The following NEK1 variants were observed in gnomAD, a reference collection of about 807,000 sequenced individuals.
The protein encoded by NEK1 is serine/threonine-protein kinase Nek1.
A neutral mutation model predicts 182.1 loss-of-function variants in NEK1; 137 were observed. The observed-to-expected ratio is 0.75, with a 90% CI of 0.65 to 0.87. The LOEUF is 0.87. Among genes scored for constraint, NEK1 ranks in the 40% least tolerant of loss-of-function variants. The pLI is 0.00. For synonymous variants in NEK1, 513 were observed against 492.2 expected (o/e 1.04, Z -0.56); for missense variants, 1,391 against 1,494.4 (o/e 0.93, Z 1.14).
chr4:169,542,471 T>C (rs988533142), intron 18 of NEK1, among the ~76,000 whole-genome samples: 1 of 152,216 alleles, frequency 6.6e-6, no homozygotes, highest in African/African-American at 2.4e-5. Context: ...TACATATGCA[T>C]GTGTCTTTAT....
chr4:169,433,483 T>C, intron 29 of NEK1, 62 bp downstream of exon 29: 1 of 1,494,650 alleles, frequency 6.7e-7, no homozygotes, highest in Non-Finnish European at 9.1e-7. Context: ...ATTATAGTAT[T>C]TTCTTAAAAG....
intron 31 of NEK1, among the ~76,000 whole-genome samples, chr4:169,410,914 A>T (rs1449963207): frequency 6.6e-6 from 1 of 152,214 alleles, no homozygotes; most frequent in Admixed American, 6.5e-5. Context: ...GAGCTGACTG[A>T]AGGCAAATTT....
chr4:169,435,295 G>A (rs970754960), intron 28 of NEK1, among the ~76,000 whole-genome samples: 2 of 152,054 alleles, frequency 1.3e-5, no homozygotes, highest in Non-Finnish European at 2.9e-5. Flanking sequence ...CCATTAATGA[G>A]GGCGCCACTC....
intron 18 of NEK1, among the ~76,000 whole-genome samples, chr4:169,538,268 T>C (rs974669904): frequency 6.6e-6 from 1 of 152,068 alleles, no homozygotes; most frequent in Non-Finnish European, 1.5e-5. Flanking sequence ...GTATCAAATA[T>C]AATAAGAATC....
At chr4:169,477,522 G>A (rs1243361403) in intron 24 of NEK1, 25 bp from the exon 25 acceptor site, 4 of 1,526,598 alleles carry the variant, frequency 2.6e-6, no homozygotes, top group Non-Finnish European at 3.6e-6. Flanking sequence ...AGATACAGAG[G>A]AAGAGATAAT....
chr4:169,461,191 G>A (rs1367413666), intron 27 of NEK1, among the ~76,000 whole-genome samples: 21 of 152,116 alleles, frequency 1.4e-4, no homozygotes, highest in Non-Finnish European at 4.4e-5. Flanking sequence ...ACCACATGAA[G>A]CTACCTCCAC....
intron 26 of NEK1, among the ~76,000 whole-genome samples, chr4:169,473,463 C>G (rs979166632): frequency 1.3e-5 from 2 of 151,990 alleles, no homozygotes; most frequent in East Asian, 3.9e-4. Flanking sequence ...ACACTAGAAA[C>G]CCAATCCTCA....
At chr4:169,449,432 G>GC (rs1741277180) in intron 27 of NEK1, among the ~76,000 whole-genome samples, 1 of 152,184 alleles carries the variant, frequency 6.6e-6, no homozygotes, top group Admixed American at 6.5e-5. Flanking sequence ...CATATAGGTG[G>GC]CTGCCACTCT....
intron 27 of NEK1, among the ~76,000 whole-genome samples, chr4:169,461,977 T>C (rs1744054216): frequency 6.6e-6 from 1 of 152,110 alleles, no homozygotes; most frequent in Non-Finnish European, 1.5e-5. Flanking sequence ...TGCAAATGGA[T>C]TATGATGAAT....
chr4:169,528,423 G>A (rs937144289), intron 19 of NEK1, among the ~76,000 whole-genome samples: 7 of 152,060 alleles, frequency 4.6e-5, no homozygotes, highest in East Asian at 3.9e-4. Context: ...ATTAAGCCAC[G>A]AGGAAATAAA....
chr4:169,560,197 A>C (rs1317574488), intron 16 of NEK1, among the ~76,000 whole-genome samples: 1 of 152,194 alleles, frequency 6.6e-6, no homozygotes, highest in African/African-American at 2.4e-5. Context: ...GGATCTCACC[A>C]GGCAGAAATC....
At chr4:169,594,373 T>C (rs1769082535) in intron 5 of NEK1, among the ~76,000 whole-genome samples, 1 of 152,166 alleles carries the variant, frequency 6.6e-6, no homozygotes, top group African/African-American at 2.4e-5. Context: ...TTGCCAAACA[T>C]TATACTAATG....
At chr4:169,447,030 G>A (rs1280832058) in intron 27 of NEK1, among the ~76,000 whole-genome samples, 2 of 152,078 alleles carry the variant, frequency 1.3e-5, no homozygotes, top group Non-Finnish European at 2.9e-5. Flanking sequence ...TTATTCAAAG[G>A]GATAATGTCA....
chr4:169,570,888 A>T (rs147056200), intron 12 of NEK1, among the ~76,000 whole-genome samples: 2 of 152,090 alleles, frequency 1.3e-5, no homozygotes, highest in Non-Finnish European at 2.9e-5. Flanking sequence ...CCCCCAACCC[A>T]GTGCTCTCTG....
At chr4:169,434,946 C>A (rs1215588571) in intron 28 of NEK1, among the ~76,000 whole-genome samples, 1 of 152,168 alleles carries the variant, frequency 6.6e-6, no homozygotes, top group Non-Finnish European at 1.5e-5. Context: ...GCATTACCTG[C>A]AAAGCCTAGA....
chr4:169,434,130 C>CA (rs1218155372), intron 28 of NEK1, among the ~76,000 whole-genome samples: 1 of 151,242 alleles, frequency 6.6e-6, no homozygotes, highest in East Asian at 1.9e-4. Flanking sequence ...AAACTATTAC[C>CA]AGGACTTTCA....
chr4:169,495,958 A>G (rs2149636502), intron 23 of NEK1, among the ~76,000 whole-genome samples: 1 of 152,166 alleles, frequency 6.6e-6, no homozygotes, highest in East Asian at 1.9e-4. Context: ...TGGTAGCTTG[A>G]TGGGGATGGC....
Position 169,394,347 on chromosome 4 carries a change from GA to G in NEK1, c.*162del. ...TAGATAAAATATTAGAATCTTCACT[GA>G]AAAATGGCATGTTTCTCCATCTTTT... is the stretch of plus-strand genomic sequence containing the variant. On this transcript the variant is annotated 3_prime_UTR_variant, in exon 36 of 36. Transcript: ENST00000507142. The G allele has an allele frequency of 1.9e-6, 1 of 516,502 alleles. No individual in the cohort carries two copies. The highest frequency in any genetic ancestry group is 3.5e-6 in the Non-Finnish European group (1 of 287,284). 32.0% of individuals were successfully genotyped at this position (516,502 alleles called of 1,614,324 possible). A position where few individuals can be genotyped will look rare whatever the true frequency, so the allele number is the denominator to read the frequency against.
chr4:169,599,614 T>C (rs1770136763), intron 4 of NEK1, among the ~76,000 whole-genome samples: 1 of 152,210 alleles, frequency 6.6e-6, no homozygotes, highest in Non-Finnish European at 1.5e-5. Context: ...TCTGCTTTGT[T>C]TTATCCACTT....
Sources: gnomAD v4.1 joint callset for allele counts (sites outside exome capture counted in the v4.1 genomes callset) on GRCh38, gnomAD v4.1.1 for gene constraint, MANE v1.5 for transcripts, NCBI Gene and HGNC (gene_info 2026-07-23, HGNC 2026-07-21) for gene names.